The following CNTNAP4 variants were observed in gnomAD, a reference collection of about 807,000 sequenced individuals.
CNTNAP4 encodes the protein contactin-associated protein-like 4.
In CNTNAP4, 98 loss-of-function variants were observed where a neutral mutation model predicts 148.4. The observed-to-expected ratio is 0.66, with a 90% CI of 0.56 to 0.78. CNTNAP4 has a LOEUF of 0.78. CNTNAP4 is among the 30% of genes least tolerant of loss of function. The probability of loss-of-function intolerance (pLI) is 0.00; values close to 1 mark genes in which losing one functional copy is unlikely to be tolerated. For synonymous variants in CNTNAP4, 730 were observed against 565.1 expected (o/e 1.29, Z -4.14); for missense variants, 1,935 against 1,565.6 (o/e 1.24, Z -3.98).
chr16:76,539,916 C>G (rs1301263417), intron 20 of CNTNAP4, 64 bp downstream of exon 20: 2 of 1,257,282 alleles, frequency 1.6e-6, no homozygotes, highest in Non-Finnish European at 2.2e-6. Flanking sequence ...GGATCTCAAG[C>G]AGAAATTTGA....
chr16:76,369,239 G>A (rs74499745), intron 3 of CNTNAP4, among the ~76,000 whole-genome samples: 3,291 of 151,930 alleles, frequency 0.022, 116 homozygotes, highest in African/African-American at 0.076. Flanking sequence ...AAAATAATAC[G>A]TTCTTTCATT....
chr16:76,540,664 T>C, intron 20 of CNTNAP4, 39 bp from the exon 21 acceptor site: 1 of 1,419,508 alleles, frequency 7.0e-7, no homozygotes, highest in South Asian at 1.2e-5. Context: ...CAAAACGTCA[T>C]CCATTTGGAT....
chr16:76,280,298 G>A (rs1330973846), intron 1 of CNTNAP4, among the ~76,000 whole-genome samples: 1 of 152,092 alleles, frequency 6.6e-6, no homozygotes, highest in African/African-American at 2.4e-5. Flanking sequence ...TAATTTGAAT[G>A]TTAATTGATC....
intron 21 of CNTNAP4, among the ~76,000 whole-genome samples, chr16:76,546,152 G>C (rs1455606695): frequency 6.6e-6 from 1 of 152,212 alleles, no homozygotes; most frequent in African/African-American, 2.4e-5. Flanking sequence ...ATCCATGTAA[G>C]GAAGAGAAAG....
intron 13 of CNTNAP4, among the ~76,000 whole-genome samples, chr16:76,490,588 A>G (rs181449953): frequency 4.9e-4 from 74 of 152,274 alleles, no homozygotes; most frequent in African/African-American, 1.5e-3. Context: ...TCATCTCTTC[A>G]CATCTTCTAA....
At chr16:76,430,807 T>G (rs376853309) in intron 4 of CNTNAP4, among the ~76,000 whole-genome samples, 2 of 152,100 alleles carry the variant, frequency 1.3e-5, no homozygotes, top group South Asian at 2.1e-4. Context: ...TAAGAGAAAT[T>G]GGTAACTTCT....
At chr16:76,455,041 G>A (rs892612652) in intron 8 of CNTNAP4, among the ~76,000 whole-genome samples, 32 of 152,048 alleles carry the variant, frequency 2.1e-4, no homozygotes, top group African/African-American at 7.7e-4. Context: ...ATTGTCATTT[G>A]GAATTATTCA....
intron 3 of CNTNAP4, among the ~76,000 whole-genome samples, chr16:76,362,823 A>T (rs893073022): frequency 6.6e-6 from 1 of 152,208 alleles, no homozygotes; most frequent in Non-Finnish European, 1.5e-5. Flanking sequence ...CTAGGTCACA[A>T]AATAATCTGT....
intron 1 of CNTNAP4, among the ~76,000 whole-genome samples, chr16:76,306,812 C>A (rs1038320552): frequency 3.9e-5 from 6 of 152,142 alleles, no homozygotes; most frequent in African/African-American, 1.4e-4. Flanking sequence ...CTACTCTGTA[C>A]TTTTTAAATG....
intron 2 of CNTNAP4, among the ~76,000 whole-genome samples, chr16:76,334,099 T>C (rs1360742138): frequency 6.6e-6 from 1 of 151,916 alleles, no homozygotes; most frequent in Non-Finnish European, 1.5e-5. Flanking sequence ...AGTTAATGGA[T>C]GCAGCACACC....
chr16:76,334,401 C>G (rs925033925), intron 2 of CNTNAP4, among the ~76,000 whole-genome samples: 1 of 152,094 alleles, frequency 6.6e-6, no homozygotes, highest in Non-Finnish European at 1.5e-5. Context: ...TCTGCCTTAT[C>G]TTCGACTTGC....
At chr16:76,417,988 G>T (rs2079047067) in intron 3 of CNTNAP4, among the ~76,000 whole-genome samples, 1 of 151,694 alleles carries the variant, frequency 6.6e-6, no homozygotes, top group South Asian at 2.1e-4. Context: ...TTCTCTATCA[G>T]TAATATAGCT....
intron 2 of CNTNAP4, among the ~76,000 whole-genome samples, chr16:76,335,270 C>T (rs1350410909): frequency 6.6e-6 from 1 of 152,076 alleles, no homozygotes; most frequent in African/African-American, 2.4e-5. Context: ...CCCTCAGAGG[C>T]TATTTCTATG....
intron 2 of CNTNAP4, among the ~76,000 whole-genome samples, chr16:76,339,837 C>G (rs375600903): frequency 1.3e-5 from 2 of 152,238 alleles, no homozygotes; most frequent in Admixed American, 6.5e-5. Context: ...CTTTCTAATA[C>G]GAGATTTGAT....
intron 2 of CNTNAP4, among the ~76,000 whole-genome samples, chr16:76,349,085 C>T (rs905810372): frequency 6.6e-6 from 1 of 152,120 alleles, no homozygotes; most frequent in Admixed American, 6.6e-5. Context: ...GGCAAACACT[C>T]TGCAGGCACA....
At chr16:76,339,093 C>G (rs1964256632) in intron 2 of CNTNAP4, among the ~76,000 whole-genome samples, 1 of 152,078 alleles carries the variant, frequency 6.6e-6, no homozygotes, top group Non-Finnish European at 1.5e-5. Flanking sequence ...TGTGTGTGAT[C>G]TAGTCCTAAA....
At chr16:76,483,892 A>T (rs915908627) in intron 12 of CNTNAP4, among the ~76,000 whole-genome samples, 2 of 152,158 alleles carry the variant, frequency 1.3e-5, no homozygotes, top group African/African-American at 4.8e-5. Context: ...AGTAATGAGA[A>T]TCTGTGTGTG....
intron 4 of CNTNAP4, among the ~76,000 whole-genome samples, chr16:76,432,324 T>C (rs1439718016): frequency 6.6e-6 from 1 of 152,160 alleles, no homozygotes; most frequent in Non-Finnish European, 1.5e-5. Flanking sequence ...CAGTAACTTG[T>C]TATGAAGGAA....
chr16:76,467,163 A>G (rs1209209043), intron 9 of CNTNAP4, among the ~76,000 whole-genome samples, 189 bp from the exon 10 acceptor site: 2 of 152,196 alleles, frequency 1.3e-5, no homozygotes, highest in Non-Finnish European at 2.9e-5. Context: ...TGCTATGTAA[A>G]TAAAAAATTC....
Sources: gnomAD v4.1 joint callset for allele counts (sites outside exome capture counted in the v4.1 genomes callset) on GRCh38, gnomAD v4.1.1 for gene constraint, MANE v1.5 for transcripts, NCBI Gene and HGNC (gene_info 2026-07-23, HGNC 2026-07-21) for gene names.